The following FOXP2 variants were observed in gnomAD, a reference collection of about 807,000 sequenced individuals.
FOXP2 encodes forkhead box protein P2.
Under a neutral mutation model 115.8 loss-of-function variants are expected in FOXP2, and 12 were observed. The observed-to-expected ratio is 0.10, with a 90% CI of 0.07 to 0.17. FOXP2 has a LOEUF of 0.17. Ranked by LOEUF, FOXP2 falls within the 10% of genes least tolerant of loss-of-function variation. FOXP2 has a pLI of 1.00. For missense variants in FOXP2, 629 were observed against 843.5 expected, an observed-to-expected ratio of 0.75 and a Z score of 3.15; for synonymous variants, 328 against 297.7, an observed-to-expected ratio of 1.10 and a Z score of -1.05.
At chr7:114,300,347 A>G (rs1796850178) in intron 2 of FOXP2, among the ~76,000 whole-genome samples, 1 of 152,094 alleles carries the variant, frequency 6.6e-6, no homozygotes. Context: ...TTTAAATAAC[A>G]TATTTTGTCC....
intron 3 of FOXP2, among the ~76,000 whole-genome samples, chr7:114,542,606 A>G (rs1170875184): frequency 6.6e-6 from 1 of 152,118 alleles, no homozygotes; most frequent in Non-Finnish European, 1.5e-5. Context: ...TTTTTCAGAA[A>G]ATCTATTACA....
intron 1 of FOXP2, among the ~76,000 whole-genome samples, chr7:114,268,188 A>G (rs1006948192): frequency 2.6e-5 from 4 of 152,214 alleles, no homozygotes; most frequent in Non-Finnish European, 5.9e-5. Flanking sequence ...TTGTATGTAC[A>G]TACCACATTT....
rs180800451 is a variant in FOXP2 at position 114,135,571 on chromosome 7, G to A, written c.-246-27373G>A. Among the ~76,000 whole-genome samples the A allele has an allele frequency of 8.4e-3, 1,277 of 152,158 alleles. 66 individuals are homozygous for A. Among genetic ancestry groups the A allele is most frequent in the Admixed American group, 0.073 (1,115 of 15,286 alleles). On this transcript the variant is annotated intron_variant, in intron 1 of 19. Coordinates refer to the FOXP2 transcript ENST00000635638. ...TTTTACTTGCTTAGATGAAAAATATGTTAAGAAAAATTTATAGATGATCTA... is the reference window on the plus strand; with the variant it reads ...TTTTACTTGCTTAGATGAAAAATATATTAAGAAAAATTTATAGATGATCTA...
intron 1 of FOXP2, among the ~76,000 whole-genome samples, chr7:114,122,080 T>C (rs779315253): frequency 6.6e-6 from 1 of 152,110 alleles, no homozygotes; most frequent in Non-Finnish European, 1.5e-5. Context: ...TATAAGGGTT[T>C]TTGTTACTAG....
At chr7:114,565,212 T>C (rs867994862) in intron 3 of FOXP2, among the ~76,000 whole-genome samples, 2 of 151,968 alleles carry the variant, frequency 1.3e-5, no homozygotes, top group African/African-American at 2.4e-5. Flanking sequence ...ATGGCACTTA[T>C]GTTGTTGTAT....
At chr7:114,170,302 C>A (rs1312476469) in intron 1 of FOXP2, among the ~76,000 whole-genome samples, 1 of 152,188 alleles carries the variant, frequency 6.6e-6, no homozygotes, top group African/African-American at 2.4e-5. Context: ...GGTCCTTCCC[C>A]TGTCTCTCTC....
chr7:114,286,897 A>T (rs1243657075), intron 1 of FOXP2, among the ~76,000 whole-genome samples: 2 of 152,050 alleles, frequency 1.3e-5, no homozygotes, highest in African/African-American at 2.4e-5. Context: ...CTAAGGTTTT[A>T]TTGCAAGAAA....
intron 1 of FOXP2, among the ~76,000 whole-genome samples, chr7:114,221,566 CT>C (rs747101042): frequency 5.3e-5 from 8 of 152,084 alleles, no homozygotes; most frequent in African/African-American, 7.2e-5. Flanking sequence ...CATTACCCCC[CT>C]CCCCCAGCCA....
intron 1 of FOXP2, among the ~76,000 whole-genome samples, chr7:114,240,699 A>G (rs928813848): frequency 4.7e-5 from 7 of 150,118 alleles, no homozygotes; most frequent in Non-Finnish European, 1.0e-4. Flanking sequence ...AAATATTTTC[A>G]AAAAAAAACC....
intron 2 of FOXP2, among the ~76,000 whole-genome samples, chr7:114,309,643 T>C (rs764500551): frequency 2.0e-5 from 3 of 152,086 alleles, no homozygotes; most frequent in East Asian, 1.9e-4. Flanking sequence ...TTTTTCCCCA[T>C]AGTTCTCAGC....
intron 3 of FOXP2, among the ~76,000 whole-genome samples, chr7:114,565,420 C>T (rs1800965918): frequency 3.9e-5 from 6 of 152,062 alleles, no homozygotes. Context: ...GGCAATATTT[C>T]TCAAAGTATG....
At chr7:114,245,840 CAA>C (rs1354033356) in intron 1 of FOXP2, among the ~76,000 whole-genome samples, 1 of 149,290 alleles carries the variant, frequency 6.7e-6, no homozygotes, top group Non-Finnish European at 1.5e-5. Flanking sequence ...TTTTAAGTTC[CAA>C]AGTTTTTTTT....
intron 2 of FOXP2, among the ~76,000 whole-genome samples, chr7:114,334,263 T>G (rs374855135): frequency 2.0e-5 from 3 of 152,226 alleles, no homozygotes; most frequent in East Asian, 1.9e-4. Context: ...GGGTTAAAAC[T>G]GTGTCCATTA....
chr7:114,119,852 G>C (rs910841849), intron 1 of FOXP2, among the ~76,000 whole-genome samples: 3 of 152,082 alleles, frequency 2.0e-5, no homozygotes, highest in South Asian at 2.1e-4. Flanking sequence ...TGCAGAACTT[G>C]TTACAAACAG....
intron 2 of FOXP2, among the ~76,000 whole-genome samples, chr7:114,434,288 A>G (rs1170936456): frequency 6.6e-6 from 1 of 151,910 alleles, no homozygotes; most frequent in Non-Finnish European, 1.5e-5. Context: ...ATAAATAAAG[A>G]GGTGAATAAT....
At chr7:114,405,222 A>T (rs1380080204) in intron 2 of FOXP2, among the ~76,000 whole-genome samples, 1 of 151,904 alleles carries the variant, frequency 6.6e-6, no homozygotes, top group Non-Finnish European at 1.5e-5. Flanking sequence ...TCTGAAAAAC[A>T]GATATGTAAT....
At chr7:114,628,142 T>G (rs1282589588) in intron 3 of FOXP2, among the ~76,000 whole-genome samples, 2 of 152,132 alleles carry the variant, frequency 1.3e-5, no homozygotes, top group African/African-American at 2.4e-5. Flanking sequence ...TAATCTTTAA[T>G]ATTTATTTTA....
At chr7:114,491,204 G>C (rs1797034250) in intron 2 of FOXP2, among the ~76,000 whole-genome samples, 1 of 152,122 alleles carries the variant, frequency 6.6e-6, no homozygotes, top group South Asian at 2.1e-4. Context: ...CATTCTAACT[G>C]GTGTGAGATG....
At chr7:114,148,207 G>A (rs1584507470) in intron 1 of FOXP2, among the ~76,000 whole-genome samples, 1 of 152,144 alleles carries the variant, frequency 6.6e-6, no homozygotes, top group East Asian at 1.9e-4. Context: ...AGTTTGAAGG[G>A]AGTTACATTG....
Sources: allele counts gnomAD v4.1 joint callset (sites outside exome capture counted in the v4.1 genomes callset), GRCh38; gene constraint gnomAD v4.1.1; transcripts MANE v1.5; gene names NCBI Gene and HGNC (gene_info 2026-07-23, HGNC 2026-07-21).